The following NTRK2 variants were observed in gnomAD, a reference collection of about 807,000 sequenced individuals.
NTRK2 encodes the protein neurotrophic receptor tyrosine kinase 2.
Under a neutral mutation model 94.5 loss-of-function variants are expected in NTRK2, and 13 were observed. The ratio of observed to expected loss-of-function variants is 0.14; its 90% CI spans 0.09 to 0.22. The LOEUF (loss-of-function observed/expected upper bound fraction) is 0.22, where lower values mean the gene tolerates loss of function less well. NTRK2 is among the 10% of genes least tolerant of loss of function. The probability of loss-of-function intolerance (pLI) is 1.00; values close to 1 mark genes in which losing one functional copy is unlikely to be tolerated. For synonymous variants in NTRK2, 372 were observed against 407.4 expected (o/e 0.91, Z 1.05); for missense variants, 639 against 1,071.2 (o/e 0.60, Z 5.63).
intron 14 of NTRK2, among the ~76,000 whole-genome samples, chr9:84,895,837 C>T (rs918117214): frequency 7.9e-5 from 12 of 152,044 alleles, no homozygotes; most frequent in African/African-American, 2.2e-4. Flanking sequence ...GGAATTATTA[C>T]CTAGCAACGC....
chr9:84,938,094 G>A (rs2078272639), intron 15 of NTRK2, among the ~76,000 whole-genome samples: 2 of 152,224 alleles, frequency 1.3e-5, no homozygotes, highest in South Asian at 4.2e-4. Flanking sequence ...ACTTCCCCAA[G>A]GTGTAAGTTA....
rs1190082681 is a variant in NTRK2 at position 84,801,069 on chromosome 9, G to C, written c.1396+48984G>C. On this transcript the variant is annotated intron_variant, in intron 12 of 18. Transcript: ENST00000277120. The stretch of plus-strand genomic sequence containing the variant: ...TGCTGAGCTACTGCAGGCAGGGTTG[G>C]TGTTCACTGCTCGTGCCTGCGAATG... Among the ~76,000 whole-genome samples, 5 of 152,338 alleles carry C rather than the reference G, an allele frequency of 3.3e-5. No individual in the cohort carries two copies. The East Asian group carries it at 9.6e-4, about 29-fold the overall frequency.
At position 84,948,561 on chromosome 9, in the gene NTRK2, G is replaced by A. The variant is rs200399260; in HGVS notation, c.1864G>A (p.Val622Ile). The A allele has an allele frequency of 2.1e-5, 34 of 1,613,904 alleles. No homozygotes were observed. Among genetic ancestry groups the A allele is most frequent in the South Asian group, 3.3e-5 (3 of 91,058 alleles). The change falls in exon 16 of 19, where the codon GTC (valine) becomes ATC (isoleucine). Residue 622 changes from valine to isoleucine, a missense_variant. Val to Ile is a conservative substitution (Grantham distance 29). Around this residue, in one of 5 missense-constraint regions of NTRK2, gnomAD observed 343 missense variants for 571.5 expected, o/e 0.60. Transcript: ENST00000277120. ...TGAGCACATCGTCAAGTTCTATGGCGTCTGCGTGGAGGGCGACCCCCTCAT... is the reference window on the plus strand; with the variant it reads ...TGAGCACATCGTCAAGTTCTATGGCATCTGCGTGGAGGGCGACCCCCTCAT... Reference protein sequence around the residue: ...QHEHIVKFYGVCVEGDPLIMV... With the variant: ...QHEHIVKFYGICVEGDPLIMV...
At chr9:84,734,347 G>A (rs944909347) in intron 9 of NTRK2, among the ~76,000 whole-genome samples, 4 of 152,206 alleles carry the variant, frequency 2.6e-5, no homozygotes, top group African/African-American at 9.7e-5. Context: ...TTGTGTTTAT[G>A]CCCTGTAGCC....
chr9:84,730,019 T>C (rs1403936693), intron 9 of NTRK2, among the ~76,000 whole-genome samples: 1 of 152,242 alleles, frequency 6.6e-6, no homozygotes, highest in Admixed American at 6.5e-5. Flanking sequence ...AAGAATAACT[T>C]GGTGCTTCTC....
intron 15 of NTRK2, among the ~76,000 whole-genome samples, chr9:84,942,808 C>G (rs1034102433): frequency 4.0e-5 from 6 of 151,860 alleles, no homozygotes; most frequent in African/African-American, 1.5e-4. Flanking sequence ...TCAATTTGGA[C>G]TTGCCAAATT....
chr9:84,893,571 G>T (rs1184967752), intron 14 of NTRK2, among the ~76,000 whole-genome samples: 1 of 152,208 alleles, frequency 6.6e-6, no homozygotes, highest in Non-Finnish European at 1.5e-5. Context: ...GATAGGAAGA[G>T]CCGGCACACC....
chr9:84,751,459 T>C (rs2064602525), intron 11 of NTRK2, among the ~76,000 whole-genome samples: 1 of 152,128 alleles, frequency 6.6e-6, no homozygotes, highest in Non-Finnish European at 1.5e-5. Flanking sequence ...TGTTTACCTG[T>C]AGTCCTAGCT....
chr9:84,845,153 T>C (rs568716565), intron 12 of NTRK2, among the ~76,000 whole-genome samples: 1 of 152,254 alleles, frequency 6.6e-6, no homozygotes, highest in African/African-American at 2.4e-5. Flanking sequence ...GACACATGCA[T>C]AGGCATGTTT....
intron 17 of NTRK2, among the ~76,000 whole-genome samples, chr9:84,977,320 C>T (rs189972139): frequency 6.7e-4 from 102 of 152,224 alleles, no homozygotes; most frequent in African/African-American, 1.9e-3. Context: ...CTTAGGAACA[C>T]GAGACAGAAC....
intron 14 of NTRK2, among the ~76,000 whole-genome samples, chr9:84,923,600 T>C (rs2077639430): frequency 6.6e-6 from 1 of 152,198 alleles, no homozygotes; most frequent in African/African-American, 2.4e-5. Flanking sequence ...AAAAGCCAAC[T>C]TACTTAAAGA....
chr9:84,970,169 G>T (rs1024077480), intron 17 of NTRK2, among the ~76,000 whole-genome samples: 2 of 151,998 alleles, frequency 1.3e-5, no homozygotes, highest in Non-Finnish European at 2.9e-5. Flanking sequence ...GGCCAAGGTG[G>T]GTGGATCACC....
rs75729077 is a variant in NTRK2, at chr9:84,936,854, A to G, written c.1764+2562A>G. ...AGAAGTCTCATGTCAGTGACCTTAC[A>G]TGTGAATTTTTTTTTTTTAAATGAG... is the stretch of plus-strand genomic sequence containing the variant. On this transcript the variant is annotated intron_variant, in intron 15 of 18. Coordinates refer to ENST00000277120, the MANE Select transcript of NTRK2 (RefSeq NM_006180.6). Among the ~76,000 whole-genome samples the G allele has an allele frequency of 6.1e-3, 934 of 152,118 alleles. 17 individuals are homozygous for G. The highest frequency in any genetic ancestry group is 0.041 in the East Asian group (211 of 5,168).
At chr9:84,721,546 A>G (rs79023965) in intron 6 of NTRK2, among the ~76,000 whole-genome samples, 3 of 152,310 alleles carry the variant, frequency 2.0e-5, no homozygotes, top group African/African-American at 7.2e-5. Context: ...AAGACAGAGT[A>G]TGTTGAATGT....
At chr9:84,976,897 AC>A (rs1365770751) in intron 17 of NTRK2, among the ~76,000 whole-genome samples, 1 of 152,392 alleles carries the variant, frequency 6.6e-6, no homozygotes, top group African/African-American at 2.4e-5. Flanking sequence ...TTGAATATTT[AC>A]TGATTTATTT....
chr9:85,016,945 G>A (rs1170683937), intron 17 of NTRK2, among the ~76,000 whole-genome samples: 2 of 152,164 alleles, frequency 1.3e-5, no homozygotes, highest in Non-Finnish European at 2.9e-5. Flanking sequence ...GAGAAAACAT[G>A]TAAATCAAAA....
rs745611460 is a variant in NTRK2, at chr9:84,755,525, C to CTT, written c.1396+3467_1396+3468dup. Among the ~76,000 whole-genome samples, 320 of 60,632 alleles carry CTT rather than the reference C, an allele frequency of 5.3e-3. 16 individuals carry two copies. The highest frequency in any genetic ancestry group is 9.3e-3 in the African/African-American group (134 of 14,370). The allele number at this position is 60,632 out of a possible 152,430, so 39.8% of individuals were successfully genotyped here. Reference sequence around the variant, plus strand: ...TTCTAAAAGAGACAAAGTCCCACCTCTTTTTTTTTTTTTTTTTTTTTTTTT... The same window carrying CTT: ...TTCTAAAAGAGACAAAGTCCCACCTCTTTTTTTTTTTTTTTTTTTTTTTTTTT... On this transcript the variant is annotated intron_variant, in intron 12 of 18. Transcript: ENST00000277120.
chr9:84,693,228 A>G (rs945483068), intron 2 of NTRK2, among the ~76,000 whole-genome samples: 19 of 152,236 alleles, frequency 1.2e-4, no homozygotes, highest in Non-Finnish European at 2.6e-4. Flanking sequence ...ATCAGTTGCT[A>G]AGATTTACCC....
At chr9:84,918,059 T>C (rs1472879159) in intron 14 of NTRK2, among the ~76,000 whole-genome samples, 3 of 152,210 alleles carry the variant, frequency 2.0e-5, no homozygotes, top group African/African-American at 7.2e-5. Context: ...TTTATTACAA[T>C]TGACTTACAA....
Sources: allele counts gnomAD v4.1 joint callset (sites outside exome capture counted in the v4.1 genomes callset), GRCh38; gene constraint gnomAD v4.1.1; regional missense constraint gnomAD v4.1.1; transcripts MANE v1.5; gene names NCBI Gene and HGNC (gene_info 2026-07-23, HGNC 2026-07-21).